ADGRV1: variants seen among roughly 807,000 people sequenced by gnomAD.
The protein encoded by ADGRV1 is adhesion G protein-coupled receptor V1, also known as G-protein coupled receptor 98.
ADGRV1 carries 359 observed loss-of-function variants against 596.2 expected under a neutral mutation model. That is an observed-to-expected ratio of 0.60 (90% CI 0.55 to 0.66). The LOEUF is 0.66. ADGRV1 is among the 30% of genes least tolerant of loss of function. ADGRV1 has a pLI of 0.00. For missense variants in ADGRV1, 7,274 were observed against 7,575.6 expected, an observed-to-expected ratio of 0.96 and a Z score of 1.48; for synonymous variants, 2,681 against 2,679.2, an observed-to-expected ratio of 1.00 and a Z score of -0.02.
intron 1 of ADGRV1, among the ~76,000 whole-genome samples, chr5:90,582,424 G>T (rs964662982): frequency 1.3e-5 from 2 of 152,086 alleles, no homozygotes; most frequent in African/African-American, 2.4e-5. Flanking sequence ...TTGTCAGATT[G>T]TACCCTTTAT....
chr5:90,919,824 A>G (rs961666033), intron 83 of ADGRV1, among the ~76,000 whole-genome samples: 4 of 151,852 alleles, frequency 2.6e-5, no homozygotes, highest in African/African-American at 7.3e-5. Context: ...GAGAAACCCC[A>G]TCTCTACTAA....
At chr5:90,846,870 C>T (rs996228659) in intron 78 of ADGRV1, among the ~76,000 whole-genome samples, 23 of 152,106 alleles carry the variant, frequency 1.5e-4, no homozygotes, top group African/African-American at 3.6e-4. Flanking sequence ...TTTTACAGAG[C>T]GCTGATTGGT....
At chr5:90,865,769 C>G (rs1011255342) in intron 83 of ADGRV1, among the ~76,000 whole-genome samples, 1 of 152,118 alleles carries the variant, frequency 6.6e-6, no homozygotes, top group Admixed American at 6.6e-5. Flanking sequence ...AACCTTTTAG[C>G]TAAGGCTTTA....
At chr5:91,070,180 C>A (rs1788263417) in intron 85 of ADGRV1, among the ~76,000 whole-genome samples, 1 of 152,072 alleles carries the variant, frequency 6.6e-6, no homozygotes, top group South Asian at 2.1e-4. Flanking sequence ...GTGATGGGGT[C>A]ATTCATGTCC....
At chr5:91,146,682 G>T (rs1795558678) in intron 87 of ADGRV1, among the ~76,000 whole-genome samples, 2 of 152,104 alleles carry the variant, frequency 1.3e-5, no homozygotes, top group African/African-American at 4.8e-5. Flanking sequence ...TAGTACCCCA[G>T]TTTCAGCATT....
intron 83 of ADGRV1, among the ~76,000 whole-genome samples, chr5:90,906,832 A>T (rs1297473378): frequency 6.6e-6 from 1 of 151,794 alleles, no homozygotes; most frequent in Non-Finnish European, 1.5e-5. Flanking sequence ...GTTTATTTGA[A>T]TTTTTTTGCT....
chr5:90,579,230 C>G (rs1757649991), intron 1 of ADGRV1, among the ~76,000 whole-genome samples: 1 of 152,178 alleles, frequency 6.6e-6, no homozygotes. Context: ...CCTGCTTTCT[C>G]TTGTGGGCAT....
At chr5:90,706,704 A>G (rs752540280) in intron 38 of ADGRV1, among the ~76,000 whole-genome samples, 2 of 146,960 alleles carry the variant, frequency 1.4e-5, no homozygotes, top group Non-Finnish European at 3.0e-5. Context: ...ATGAAAACTA[A>G]GTTTACCTGA....
chr5:90,776,634 C>A (rs1758270884), intron 61 of ADGRV1, 58 bp downstream of exon 61: 5 of 1,539,574 alleles, frequency 3.2e-6, no homozygotes, highest in Admixed American at 3.4e-5. Context: ...TTATTTAAAT[C>A]ATTAGTCTTA....
At chr5:90,891,898 C>G (rs534572972) in intron 83 of ADGRV1, among the ~76,000 whole-genome samples, 1 of 151,978 alleles carries the variant, frequency 6.6e-6, no homozygotes, top group South Asian at 2.1e-4. Context: ...AACTTTGGTT[C>G]TAACATGGAC....
chr5:90,725,813 A>T (rs184692051), intron 48 of ADGRV1, among the ~76,000 whole-genome samples, 157 bp downstream of exon 48: 1 of 152,308 alleles, frequency 6.6e-6, no homozygotes, highest in East Asian at 1.9e-4. Flanking sequence ...GTTAAAAGTT[A>T]ATTTTTAAAT....
At chr5:90,595,125 ACCTC>A (rs1322946850) in intron 1 of ADGRV1, among the ~76,000 whole-genome samples, 1 of 118,110 alleles carries the variant, frequency 8.5e-6, no homozygotes, top group Non-Finnish European at 1.8e-5. Flanking sequence ...TGACCCCCCC[ACCTC>A]CCTCCCGGAC....
chr5:91,153,145 G>A, intron 88 of ADGRV1, 76 bp from the exon 89 acceptor site: 2 of 1,227,046 alleles, frequency 1.6e-6, no homozygotes, highest in South Asian at 2.7e-5. Flanking sequence ...GAGATCAATT[G>A]TCCATTTGGG....
chr5:90,632,169 C>T (rs1246944154), intron 9 of ADGRV1, among the ~76,000 whole-genome samples: 1 of 152,032 alleles, frequency 6.6e-6, no homozygotes, highest in Non-Finnish European at 1.5e-5. Context: ...TTACTGTTCT[C>T]CCTTCTGTTT....
intron 83 of ADGRV1, among the ~76,000 whole-genome samples, chr5:90,891,167 TTTATA>T (rs1468267732): frequency 6.8e-6 from 1 of 148,076 alleles, no homozygotes; most frequent in Non-Finnish European, 1.5e-5. Flanking sequence ...CTGTTTATAT[TTTATA>T]TTATAATATA....
At chr5:90,734,408 CTCT>C (rs979719827) in intron 50 of ADGRV1, among the ~76,000 whole-genome samples, 9 of 152,088 alleles carry the variant, frequency 5.9e-5, no homozygotes, top group Non-Finnish European at 1.2e-4. Flanking sequence ...TCCTTTTCTC[CTCT>C]TCTTCAACAC....
At position 90,558,832 on chromosome 5, in the gene ADGRV1, G is replaced by A. The variant is rs528051508; in HGVS notation, c.-64G>A. 1.5e-5 allele frequency: 23 copies of A among 1,520,880 alleles called. No homozygotes were observed. Among genetic ancestry groups the A allele is most frequent in the Admixed American group, 5.9e-5 (3 of 51,168 alleles). The allele number at this position is 1,520,880 out of a possible 1,614,324, so 94.2% of individuals were successfully genotyped here. A position where few individuals can be genotyped will look rare whatever the true frequency, so the allele number is the denominator to read the frequency against. On this transcript the variant is annotated 5_prime_UTR_variant, in exon 1 of 90. Transcript: ENST00000405460. The stretch of plus-strand genomic sequence containing the variant: ...ATCAGCAGCGCGGGCAAGGAGTACG[G>A]ACGGGAGTCAGAGGCAGAGCGAGGG...
chr5:91,069,102 A>G (rs1014452194), intron 85 of ADGRV1, among the ~76,000 whole-genome samples: 2 of 152,194 alleles, frequency 1.3e-5, no homozygotes, highest in African/African-American at 4.8e-5. Flanking sequence ...GAAAAGATTG[A>G]AATTGGACCG....
At chr5:90,855,211 T>C (rs1307962295) in intron 81 of ADGRV1, among the ~76,000 whole-genome samples, 1 of 152,122 alleles carries the variant, frequency 6.6e-6, no homozygotes, top group Non-Finnish European at 1.5e-5. Flanking sequence ...CCAGAATTCA[T>C]AAAGGAAACA....
Sources: gnomAD v4.1 joint callset for allele counts (sites outside exome capture counted in the v4.1 genomes callset) on GRCh38, gnomAD v4.1.1 for gene constraint, MANE v1.5 for transcripts, NCBI Gene and HGNC (gene_info 2026-07-23, HGNC 2026-07-21) for gene names.